The following KARS1 variants were observed in gnomAD, a reference collection of about 807,000 sequenced individuals.
KARS1 encodes the protein lysine--tRNA ligase.
Under a neutral mutation model 63.9 loss-of-function variants are expected in KARS1, and 50 were observed. The observed-to-expected ratio is 0.78, with a 90% CI of 0.62 to 0.99. The LOEUF (loss-of-function observed/expected upper bound fraction) is 0.99, where lower values mean the gene tolerates loss of function less well. KARS1 is among the 50% of genes least tolerant of loss of function. KARS1 has a pLI of 0.00. For missense variants in KARS1, 816 were observed against 754.5 expected, an observed-to-expected ratio of 1.08 and a Z score of -0.95; for synonymous variants, 320 against 264.6, an observed-to-expected ratio of 1.21 and a Z score of -2.03.
At chr16:75,634,373 C>T (rs765146915) in intron 6 of KARS1, 81 bp from the exon 7 acceptor site, 47 of 1,459,030 alleles carry the variant, frequency 3.2e-5, no homozygotes, top group Non-Finnish European at 4.3e-5. Flanking sequence ...GTAATATAGT[C>T]TAAGCCTGTT....
rs774397948 is a variant in KARS1 at position 75,631,517 on chromosome 16, T to A, written c.1151A>T (p.Asp384Val). The A allele has an allele frequency of 3.7e-6, 6 of 1,614,136 alleles. No homozygotes were observed. Among genetic ancestry groups the A allele is most frequent in the South Asian group, 1.1e-5 (1 of 91,088 alleles). ...CCGGAAGGGTGGGGTGAAGTCAACATCGTAGGCTTGGCCCTCTGGGCCATC... is the reference window on the plus strand; with the variant it reads ...CCGGAAGGGTGGGGTGAAGTCAACAACGTAGGCTTGGCCCTCTGGGCCATC... ...HPDGPEGQAYDVDFTPPFRRI... is the reference protein window; with the variant it reads ...HPDGPEGQAYVVDFTPPFRRI... The change falls in exon 9 of 14, where the codon GAT becomes GTT. Residue 384 changes from aspartate (D) to valine (V), a missense_variant. Asp to Val is a radical substitution (Grantham distance 152, BLOSUM62 -3). Coordinates refer to ENST00000302445, the MANE Select transcript of KARS1 (RefSeq NM_005548.3).
chr16:75,645,322 G>A (rs938434455), intron 1 of KARS1, among the ~76,000 whole-genome samples: 1 of 152,246 alleles, frequency 6.6e-6, no homozygotes, highest in Non-Finnish European at 1.5e-5. Flanking sequence ...TCACAGGCCT[G>A]AGTTCAGATC....
chr16:75,641,570 G>A lies in KARS1; in HGVS notation c.216C>T (p.Asp72=), dbSNP rs2082224089. ...NGVGPEEESV[D]PNQYYKIRSQ... Reference sequence around the variant, plus strand: ...GGTGGCCCAGGGAACTCACATTTGGGTCCACGCTCTCTTCCTCAGGACCCA... The same window carrying A: ...GGTGGCCCAGGGAACTCACATTTGGATCCACGCTCTCTTCCTCAGGACCCA... The change falls in exon 2 of 14, where the codon GAC becomes GAT. Residue 72 remains aspartate, a synonymous_variant. Coordinates refer to ENST00000302445, the MANE Select transcript of KARS1 (RefSeq NM_005548.3). 1 of 1,613,334 alleles carries A rather than the reference G, an allele frequency of 6.2e-7. No homozygotes were observed. Among genetic ancestry groups the A allele is most frequent in the South Asian group, 1.1e-5 (1 of 91,040 alleles).
At chr16:75,646,376 A>G (rs1328640299) in intron 1 of KARS1, among the ~76,000 whole-genome samples, 1 of 151,940 alleles carries the variant, frequency 6.6e-6, no homozygotes, top group Non-Finnish European at 1.5e-5. Context: ...CCCTGTCTCT[A>G]CTAAAAATAC....
chr16:75,647,281 C>A (rs949126263), intron 1 of KARS1, among the ~76,000 whole-genome samples: 1 of 152,208 alleles, frequency 6.6e-6, no homozygotes, highest in Non-Finnish European at 1.5e-5. Flanking sequence ...CAGGAAGTTT[C>A]GCTTTTCTTT....
In KARS1 at chr16:75,635,734, G is replaced by A. The variant is rs1276991904; in HGVS notation, c.741C>T (p.Arg247=). Residue 247 remains arginine (R), a synonymous_variant, in exon 6 of 14, where the codon CGC becomes CGT. Transcript: ENST00000302445. ...NDFVRQKFII[R]SKIITYIRSF... is the part of the protein sequence containing the mutation. ...TTCTTATATATGTGATGATCTTAGA[G>A]CGGATGATAAATTTCTGCCTCACAA... 21 of 1,613,992 alleles carry A rather than the reference G, an allele frequency of 1.3e-5. No individual in the cohort carries two copies. Among genetic ancestry groups the A allele is most frequent in the East Asian group, 4.5e-5 (2 of 44,898 alleles).
At chr16:75,634,896 A>G (rs2082147104) in intron 6 of KARS1, among the ~76,000 whole-genome samples, 1 of 152,220 alleles carries the variant, frequency 6.6e-6, no homozygotes, top group Non-Finnish European at 1.5e-5. Context: ...ATTTATTAAA[A>G]ATTTAGGCTG....
intron 3 of KARS1, 59 bp from the exon 4 acceptor site, chr16:75,636,606 A>G (rs2082164708): frequency 6.5e-6 from 7 of 1,081,888 alleles, no homozygotes; most frequent in Non-Finnish European, 9.8e-6. Flanking sequence ...TTATGGTATC[A>G]GTGTCAAAAA....
chr16:75,628,080 G>C, intron 13 of KARS1, 87 bp from the exon 14 acceptor site: 1 of 827,620 alleles, frequency 1.2e-6, no homozygotes, highest in Non-Finnish European at 2.1e-6. Context: ...TGCCTCTGTT[G>C]TTACCACCAA....
In KARS1 at chr16:75,635,993, C is replaced by G. The variant is rs146077589; in HGVS notation, c.588G>C (p.Leu196=). The change falls in exon 5 of 14, where the codon CTG becomes CTC. Residue 196 remains leucine (L), a synonymous_variant. Transcript: ENST00000302445. ...GTGTGATCTCATACGGAATGATGCT[C>G]AGCTCACCCTTCTTGGTTTTACCAG... is the stretch of plus-strand genomic sequence containing the variant. ...GNPGKTKKGE[L]SIIPYEITLL... is the part of the protein sequence containing the mutation. 1 of 1,613,982 alleles carries G rather than the reference C, an allele frequency of 6.2e-7. No homozygotes were observed. The highest frequency in any genetic ancestry group is 1.3e-5 in the African/African-American group (1 of 74,926).
chr16:75,636,785 C>A (rs1192568380), intron 3 of KARS1, among the ~76,000 whole-genome samples: 1 of 151,860 alleles, frequency 6.6e-6, no homozygotes, highest in African/African-American at 2.4e-5. Flanking sequence ...AGGTGCACAC[C>A]ACCACACTCG....
At chr16:75,642,243 G>T (rs1191374524) in intron 1 of KARS1, among the ~76,000 whole-genome samples, 1 of 125,958 alleles carries the variant, frequency 7.9e-6, no homozygotes, top group Admixed American at 1.0e-4. Context: ...TTGCTCTGTG[G>T]CCCAGGCTGG....
At chr16:75,643,904 A>G (rs1224809170) in intron 1 of KARS1, among the ~76,000 whole-genome samples, 5 of 152,230 alleles carry the variant, frequency 3.3e-5, no homozygotes, top group Non-Finnish European at 7.3e-5. Flanking sequence ...CTCCTCTTAA[A>G]TCAAATCAAT....
rs2082301776 is a variant in KARS1 at position 75,647,496 on chromosome 16, C to G, written c.62+82G>C. On this transcript the variant is annotated intron_variant, in intron 1 of 13. Coordinates refer to ENST00000302445, the MANE Select transcript of KARS1 (RefSeq NM_005548.3). ...AGCCGGCAAGAAGGCCCCGGCACAGCAGCCTTGGTGGGAACCTCGCGGCGC... is the reference window on the plus strand; with the variant it reads ...AGCCGGCAAGAAGGCCCCGGCACAGGAGCCTTGGTGGGAACCTCGCGGCGC... 4.6e-6 allele frequency: 6 copies of G among 1,316,754 alleles called. No individual in the cohort carries two copies. In the East Asian group the frequency reaches 1.2e-4, roughly 27 times the overall value. The allele number at this position is 1,316,754 out of a possible 1,614,324, so 81.6% of individuals were successfully genotyped here.
intron 1 of KARS1, 118 bp downstream of exon 1, chr16:75,647,460 G>T: frequency 1.1e-6 from 1 of 935,494 alleles, no homozygotes; most frequent in Non-Finnish European, 1.7e-6. Flanking sequence ...CAGCATGTGC[G>T]TACCCACGAG....
intron 12 of KARS1, 81 bp downstream of exon 12, chr16:75,629,334 T>C: frequency 6.4e-7 from 1 of 1,563,942 alleles, no homozygotes; most frequent in Non-Finnish European, 8.8e-7. Context: ...ACCAAGAACG[T>C]ATACGCTGAC....
chr16:75,641,528 C>T, intron 2 of KARS1, 36 bp downstream of exon 2: 1 of 1,601,190 alleles, frequency 6.2e-7, no homozygotes, highest in East Asian at 2.2e-5. Context: ...AGAAGCTTTC[C>T]TGTGCCCAAC....
At position 75,628,691 on chromosome 16, in the gene KARS1, C is replaced by T. The variant is rs770522582; in HGVS notation, c.1573G>A (p.Glu525Lys). 10 of 1,614,084 alleles carry T rather than the reference C, an allele frequency of 6.2e-6. No individual in the cohort carries two copies. Among genetic ancestry groups the T allele is most frequent in the Non-Finnish European group, 6.8e-6 (8 of 1,180,042 alleles). The part of the protein sequence containing the change: ...QAKAKAAGDD[E>K]AMFIDENFCT... ...AAGTTTTCATCTATGAACATGGCCT[C>T]ATCATCACCTGCAGCCTTGGCCTAG... The change falls in exon 13 of 14, where the codon GAG becomes AAG. Residue 525 changes from glutamate (E) to lysine (K), a missense_variant. By Grantham distance (56) the Glu-to-Lys change is moderately conservative. Transcript: ENST00000302445.
chr16:75,631,651 C>G, intron 8 of KARS1, 42 bp downstream of exon 8: 1 of 1,613,934 alleles, frequency 6.2e-7, no homozygotes. Flanking sequence ...CTGAAAGCAG[C>G]ATACCAACCA....
Sources: gnomAD v4.1 joint callset for allele counts (sites outside exome capture counted in the v4.1 genomes callset) on GRCh38, gnomAD v4.1.1 for gene constraint, MANE v1.5 for transcripts, NCBI Gene and HGNC (gene_info 2026-07-23, HGNC 2026-07-21) for gene names.